The following TUT1 variants were observed in gnomAD, a reference collection of about 807,000 sequenced individuals.
TUT1 encodes terminal uridylyl transferase 1, U6 snRNA-specific, also known as speckle targeted PIP5K1A-regulated poly(A) polymerase.
In TUT1, 26 loss-of-function variants were observed where a neutral mutation model predicts 48.8. That is an observed-to-expected ratio of 0.53 (90% CI 0.39 to 0.74). The LOEUF is 0.74. TUT1 is among the 30% of genes least tolerant of loss of function. The pLI, the probability that TUT1 is intolerant of heterozygous loss-of-function variation, is 0.00. For synonymous variants in TUT1, 470 were observed against 460.8 expected, an observed-to-expected ratio of 1.02 and a Z score of -0.26; for missense variants, 1,065 against 1,114.8, an observed-to-expected ratio of 0.96 and a Z score of 0.64.
In TUT1 at chr11:62,581,366, T is replaced by G. The variant is rs752109511; in HGVS notation, c.589+20A>C. On this transcript the variant is annotated intron_variant, in intron 3 of 8. Transcript: ENST00000476907. Reference sequence around the variant, plus strand: ...GCAAAGGCCAGGGAGGGCTCAGACATAGTAGGGGAGGTAACTTACCAGGGA... The same window carrying G: ...GCAAAGGCCAGGGAGGGCTCAGACAGAGTAGGGGAGGTAACTTACCAGGGA... 6.3e-7 allele frequency: 1 copy of G among 1,586,104 alleles called. No individual in the cohort carries two copies. The highest frequency in any genetic ancestry group is 1.7e-5 in the Admixed American group (1 of 57,926).
In TUT1 at chr11:62,581,430, A is replaced by G; in HGVS notation, c.545T>C (p.Leu182Pro). The change falls in exon 3 of 9, where the codon CTA becomes CCA. Residue 182 changes from leucine to proline, a missense_variant. Coordinates refer to ENST00000476907, the MANE Select transcript of TUT1 (RefSeq NM_022830.3). ...GACCTCCTGCATCAGGGCCACCACT[A>G]GGCTGCGAAGCTGCCGCTCGGCCTC... ...LSEAERQLRS[L>P]VVALMQEVFT... The G allele has an allele frequency of 6.2e-7, 1 of 1,612,598 alleles. No individual in the cohort carries two copies. The highest frequency in any genetic ancestry group is 8.5e-7 in the Non-Finnish European group (1 of 1,179,590).
intron 2 of TUT1, among the ~76,000 whole-genome samples, chr11:62,586,115 T>G (rs1941911036): frequency 6.6e-6 from 1 of 152,134 alleles, no homozygotes; most frequent in South Asian, 2.1e-4. Context: ...CAAAACTCCA[T>G]CTCAAATAAA....
rs752723975 is a variant in TUT1, at chr11:62,575,525, G to A, written c.2194C>T (p.His732Tyr). 1 of 1,613,572 alleles carries A rather than the reference G, an allele frequency of 6.2e-7. No homozygotes were observed. Among genetic ancestry groups the A allele is most frequent in the South Asian group, 1.1e-5 (1 of 91,080 alleles). Reference sequence around the variant, plus strand: ...GGCCCCCGCTCTGCCAGGGCTGCGTGGCTGGGCTGCCCCTCTTCTCCAGGG... The same window carrying A: ...GGCCCCCGCTCTGCCAGGGCTGCGTAGCTGGGCTGCCCCTCTTCTCCAGGG... ...GAPGEEGQPS[H>Y]AALAERGPKG... is the part of the protein sequence containing the mutation. The change falls in exon 9 of 9, where the codon CAC becomes TAC. Residue 732 changes from histidine to tyrosine, a missense_variant. Coordinates refer to ENST00000476907, the MANE Select transcript of TUT1 (RefSeq NM_022830.3).
At chr11:62,586,314 A>C (rs1448932347) in intron 2 of TUT1, among the ~76,000 whole-genome samples, 4 of 152,266 alleles carry the variant, frequency 2.6e-5, no homozygotes, top group Non-Finnish European at 5.9e-5. Context: ...TAAGAAACTG[A>C]AACTCAAAGA....
In TUT1 at chr11:62,575,363, G is replaced by C. The variant is rs1398382488; in HGVS notation, c.2356C>G (p.Gln786Glu). Residue 786 changes from glutamine to glutamate, a missense_variant, in exon 9 of 9, where the codon CAG (glutamine) becomes GAG (glutamate). Coordinates refer to ENST00000476907, the MANE Select transcript of TUT1 (RefSeq NM_022830.3). The part of the protein sequence containing the change: ...QGRRRARRRL[Q>E]QQTKEGAGGG... Reference sequence around the variant, plus strand: ...CCAGCTCCCTCCTTGGTTTGCTGCTGCAAGCGTCTACGGGCTCGCCGCCGC... The same window carrying C: ...CCAGCTCCCTCCTTGGTTTGCTGCTCCAAGCGTCTACGGGCTCGCCGCCGC... The C allele has an allele frequency of 9.9e-6, 16 of 1,613,642 alleles. No individual in the cohort carries two copies. Among genetic ancestry groups the C allele is most frequent in the Non-Finnish European group, 1.4e-5 (16 of 1,180,038 alleles).
intron 2 of TUT1, among the ~76,000 whole-genome samples, chr11:62,587,092 CA>C (rs202002182): frequency 5.3e-4 from 57 of 108,310 alleles, no homozygotes; most frequent in African/African-American, 1.5e-3. Context: ...AACTCCCTCT[CA>C]AAAAAAAAAA....
At chr11:62,589,562 C>T (rs1401765193) in intron 1 of TUT1, among the ~76,000 whole-genome samples, 1 of 152,142 alleles carries the variant, frequency 6.6e-6, no homozygotes, top group African/African-American at 2.4e-5. Flanking sequence ...TGTCACCACA[C>T]CCGGCTAATT....
At chr11:62,583,395 A>C (rs1941862777) in intron 2 of TUT1, among the ~76,000 whole-genome samples, 1 of 152,122 alleles carries the variant, frequency 6.6e-6, no homozygotes, top group Non-Finnish European at 1.5e-5. Context: ...GGATCACTTG[A>C]GGTCAGGAGT....
Position 62,581,165 on chromosome 11 carries a change from C to T in TUT1, c.631G>A (p.Asp211Asn). The change falls in exon 4 of 9, where the codon GAT becomes AAT. Residue 211 changes from aspartate (D) to asparagine (N), a missense_variant. Physicochemically the swap from Asp to Asn is conservative, Grantham distance 23 (BLOSUM62 1). Coordinates refer to ENST00000476907, the MANE Select transcript of TUT1 (RefSeq NM_022830.3). Reference protein sequence around the residue: ...HPFGSSINSFDVHGCDLDLFL... With the variant: ...HPFGSSINSFNVHGCDLDLFL... Reference sequence around the variant, plus strand: ...AGGTCAAGATCACAGCCATGGACATCGAAGCTATTTATGGAAGAGCCAAAA... The same window carrying T: ...AGGTCAAGATCACAGCCATGGACATTGAAGCTATTTATGGAAGAGCCAAAA... 2 of 1,614,072 alleles carry T rather than the reference C, an allele frequency of 1.2e-6. No individual in the cohort carries two copies. Among genetic ancestry groups the T allele is most frequent in the Non-Finnish European group, 1.7e-6 (2 of 1,180,034 alleles).
chr11:62,590,408 G>A (rs1034477417), intron 1 of TUT1, among the ~76,000 whole-genome samples: 1 of 152,106 alleles, frequency 6.6e-6, no homozygotes, highest in Non-Finnish European at 1.5e-5. Flanking sequence ...AGGCCGAGGC[G>A]GGCGGGTCAC....
chr11:62,576,274 G>T, intron 8 of TUT1, 30 bp from the exon 9 acceptor site: 3 of 1,511,260 alleles, frequency 2.0e-6, no homozygotes, highest in African/African-American at 1.4e-5. Flanking sequence ...GGGGAAAGGG[G>T]GGTCACTTAG....
chr11:62,591,444 C>G lies in TUT1; in HGVS notation c.42G>C (p.Gly14=). The G allele has an allele frequency of 6.2e-7, 1 of 1,609,564 alleles. No individual in the cohort carries two copies. The highest frequency in any genetic ancestry group is 8.5e-7 in the Non-Finnish European group (1 of 1,178,022). ...VDSDVESLPR[G]GFRCCLCHVT... ...CGTGGCAGAGGCAGCAGCGGAACCCCCCACGCGGCAGCGATTCGACATCCG... is the reference window on the plus strand; with the variant it reads ...CGTGGCAGAGGCAGCAGCGGAACCCGCCACGCGGCAGCGATTCGACATCCG... The change falls in exon 1 of 9, where the codon GGG becomes GGC. Residue 14 remains glycine, a synonymous_variant. Coordinates refer to ENST00000476907, the MANE Select transcript of TUT1 (RefSeq NM_022830.3).
chr11:62,591,306 TGACAAGAAC>T, intron 1 of TUT1, 89 bp downstream of exon 1: 1 of 1,433,782 alleles, frequency 7.0e-7, no homozygotes. Context: ...CCAATCAACT[TGACAAGAAC>T]GACTGACTAC....
chr11:62,582,407 C>T, intron 2 of TUT1: 1 of 279,726 alleles, frequency 3.6e-6, no homozygotes, highest in Non-Finnish European at 7.3e-6. Context: ...GTGACACAAC[C>T]ACACCCTGTC....
At position 62,589,042 on chromosome 11, in the gene TUT1, C is replaced by G. The variant is rs1260986186; in HGVS notation, c.262G>C (p.Asp88His). The change falls in exon 2 of 9, where the codon GAC becomes CAC. Residue 88 changes from aspartate to histidine, a missense_variant. Physicochemically the swap from Asp to His is moderately conservative, Grantham distance 81. Coordinates refer to ENST00000476907, the MANE Select transcript of TUT1 (RefSeq NM_022830.3). The stretch of plus-strand genomic sequence containing the variant: ...GCCATTCACTTTACCTTGTCCTTGT[C>G]CATGACAACACTGGCCACAGGTCCA... ...AFGPVASVVM[D>H]KDKGVFAIVE... 1.2e-6 allele frequency: 2 copies of G among 1,613,712 alleles called. No homozygotes were observed. The highest frequency in any genetic ancestry group is 1.7e-6 in the Non-Finnish European group (2 of 1,179,750).
At position 62,581,219 on chromosome 11, in the gene TUT1, C is replaced by G; in HGVS notation, c.590-13G>C. The G allele has an allele frequency of 6.2e-7, 1 of 1,612,918 alleles. No homozygotes were observed. The highest frequency in any genetic ancestry group is 8.5e-7 in the Non-Finnish European group (1 of 1,179,220). ...TGGACCACACAGCCTGGGTGCCGAG[C>G]AGAGAAGAAAGGTCAAGAGAAGTTA... On this transcript the variant is annotated splice_polypyrimidine_tract_variant and intron_variant, in intron 3 of 8. Coordinates refer to ENST00000476907, the MANE Select transcript of TUT1 (RefSeq NM_022830.3).
intron 1 of TUT1, among the ~76,000 whole-genome samples, chr11:62,589,965 T>C (rs1941983530): frequency 6.6e-6 from 1 of 152,202 alleles, no homozygotes. Context: ...CACACACAGG[T>C]ATTATTCAGA....
chr11:62,590,650 A>AG (rs1941995248), intron 1 of TUT1, among the ~76,000 whole-genome samples: 1 of 151,782 alleles, frequency 6.6e-6, no homozygotes, highest in South Asian at 2.1e-4. Context: ...AAAAAAAAAA[A>AG]AAGAAAAAAG....
intron 2 of TUT1, among the ~76,000 whole-genome samples, chr11:62,582,754 C>T (rs1014799363): frequency 2.0e-5 from 3 of 152,190 alleles, no homozygotes; most frequent in Non-Finnish European, 4.4e-5. Context: ...TATAACTTTT[C>T]CTGATATAAT....
Sources: allele counts gnomAD v4.1 joint callset (sites outside exome capture counted in the v4.1 genomes callset), GRCh38; gene constraint gnomAD v4.1.1; transcripts MANE v1.5; gene names NCBI Gene and HGNC (gene_info 2026-07-23, HGNC 2026-07-21).